Variants in CACNA1A observed in about 807,000 individuals in gnomAD.
CACNA1A encodes the protein calcium voltage-gated channel subunit alpha1 A, also known as voltage-dependent P/Q-type calcium channel subunit alpha-1A.
Under a neutral mutation model 262.4 loss-of-function variants are expected in CACNA1A, and 57 were observed. The ratio of observed to expected loss-of-function variants is 0.22; its 90% confidence interval spans 0.18 to 0.27. CACNA1A has a LOEUF of 0.27. Among genes scored for constraint, CACNA1A ranks in the 10% least tolerant of loss-of-function variants. CACNA1A has a pLI of 1.00. For missense variants in CACNA1A, 2,526 were observed against 3,562.8 expected (o/e 0.71, Z 7.41); for synonymous variants, 1,431 against 1,419.3 (o/e 1.01, Z -0.18).
At chr19:13,376,543 A>T (rs933889765) in intron 3 of CACNA1A, among the ~76,000 whole-genome samples, 11 of 149,622 alleles carry the variant, frequency 7.4e-5, no homozygotes, top group African/African-American at 2.7e-4. Flanking sequence ...AGAAAAAAAT[A>T]TATATATAAT....
In CACNA1A at chr19:13,240,748, T is replaced by TG. The variant is rs1325844805; in HGVS notation, c.4950+4433_4950+4434insC. ...GTGACTGCAGTGACTGCGTGCAGCG[T>TG]CTGTGTGCAGTGACTGTGTGCACAG... is the stretch of plus-strand genomic sequence containing the variant. On this transcript the variant is annotated intron_variant, in intron 31 of 46. Transcript: ENST00000360228. Among the ~76,000 whole-genome samples, 17 of 115,682 alleles carry TG rather than the reference T, an allele frequency of 1.5e-4. No individual in the cohort carries two copies. The Admixed American group carries it at 1.6e-3, about 11-fold the overall frequency. The allele number at this position is 115,682 out of a possible 152,430, so 75.9% of individuals were successfully genotyped here. A position where few individuals can be genotyped will look rare whatever the true frequency, so the allele number is the denominator to read the frequency against.
At chr19:13,242,380 C>CGCCTCCTGAGAATCAAGTGATTCTCTT (rs2056103678) in intron 31 of CACNA1A, among the ~76,000 whole-genome samples, 2 of 152,120 alleles carry the variant, frequency 1.3e-5, no homozygotes, top group Non-Finnish European at 1.5e-5. Context: ...TACAACCTCT[C>CGCCTCCTGAGAATCAAGTGATTCTCTT]GCCTCCTGAG....
At position 13,259,607 on chromosome 19, in the gene CACNA1A, G is replaced by T. The variant is rs1174785840; in HGVS notation, c.4345C>A (p.Leu1449Met). 2 of 1,610,258 alleles carry T rather than the reference G, an allele frequency of 1.2e-6. No individual in the cohort carries two copies. Among genetic ancestry groups the T allele is most frequent in the Admixed American group, 3.4e-5 (2 of 59,558 alleles). ...GTGGACACGGTGAAGAGGGTCAGCA[G>T]AGCCCACAGCACATTGTCGTAATGG... ...EFHYDNVLWA[L>M]LTLFTVSTGE... Residue 1449 changes from leucine to methionine, a missense_variant, in exon 27 of 47, where the codon CTG (leucine) becomes ATG (methionine). Leu to Met is a conservative substitution (Grantham distance 15). This residue lies in a region of CACNA1A where 137 missense variants were observed against 377.7 expected (regional missense o/e 0.36). Transcript: ENST00000360228.
chr19:13,354,650 A>G (rs1257745260), intron 6 of CACNA1A, among the ~76,000 whole-genome samples: 1 of 152,162 alleles, frequency 6.6e-6, no homozygotes, highest in Non-Finnish European at 1.5e-5. Context: ...GGAGTTATAA[A>G]TGGAATTACG....
chr19:13,216,562 A>G (rs891279013), intron 38 of CACNA1A, among the ~76,000 whole-genome samples: 1 of 151,878 alleles, frequency 6.6e-6, no homozygotes, highest in Non-Finnish European at 1.5e-5. Context: ...TCCTGACCTC[A>G]GGTGATCTGC....
intron 1 of CACNA1A, among the ~76,000 whole-genome samples, chr19:13,467,096 T>C (rs1332526353): frequency 2.0e-5 from 3 of 151,980 alleles, no homozygotes; most frequent in Admixed American, 1.3e-4. Flanking sequence ...CCTGTTTCTG[T>C]CTGGGAGAAG....
intron 38 of CACNA1A, among the ~76,000 whole-genome samples, chr19:13,220,522 G>T (rs2055181857): frequency 6.6e-6 from 1 of 152,192 alleles, no homozygotes; most frequent in African/African-American, 2.4e-5. Context: ...GAACCTGGAA[G>T]TAGATTCTCC....
chr19:13,381,859 A>G (rs1231033156), intron 3 of CACNA1A, among the ~76,000 whole-genome samples: 2 of 152,180 alleles, frequency 1.3e-5, no homozygotes, highest in Non-Finnish European at 2.9e-5. Context: ...GAGGTGATGG[A>G]TGGTGCAGGG....
At chr19:13,353,287 T>C (rs1401814659) in intron 6 of CACNA1A, among the ~76,000 whole-genome samples, 2 of 143,644 alleles carry the variant, frequency 1.4e-5, no homozygotes, top group African/African-American at 5.1e-5. Context: ...CCTGGCTGAT[T>C]TTTGTATTTT....
chr19:13,502,641 G>A (rs10417911), intron 1 of CACNA1A, among the ~76,000 whole-genome samples: 11,823 of 152,164 alleles, frequency 0.078, 1,513 homozygotes, highest in African/African-American at 0.27. Context: ...AGAAAAACAC[G>A]GCAATGTAAA....
At chr19:13,276,926 G>T in intron 23 of CACNA1A, 143 bp downstream of exon 23, 1 of 569,834 alleles carries the variant, frequency 1.8e-6, no homozygotes, top group Non-Finnish European at 3.2e-6. Flanking sequence ...TGGCCAGGCT[G>T]GCCTCAACCT....
chr19:13,207,505 C>G lies in CACNA1A; in HGVS notation c.7329G>C (p.Ala2443=), dbSNP rs1337207067. 7.0e-7 allele frequency: 1 copy of G among 1,426,348 alleles called. No homozygotes were observed. The highest frequency in any genetic ancestry group is 1.5e-5 in the African/African-American group (1 of 65,666). 88.4% of individuals were successfully genotyped at this position (1,426,348 alleles called of 1,614,324 possible). Residue 2443 remains alanine (A), a synonymous_variant, in exon 47 of 47, where the codon GCG becomes GCC. Coordinates refer to ENST00000360228, the MANE Select transcript of CACNA1A (RefSeq NM_001127222.2). This position sits in a 1 kb window ranked among gnomAD's most constrained non-coding sequence, Gnocchi z 5.7. ...GCGAGCGCCCGGTGGCGCCCGAGGA[C>G]GCGTGTCGTACGGGGGGTGGCGCGT... ...AYDAPPPVRH[A]SSGATGRSPR...
At chr19:13,486,405 T>TCA (rs1475063891) in intron 1 of CACNA1A, among the ~76,000 whole-genome samples, 2 of 151,736 alleles carry the variant, frequency 1.3e-5, no homozygotes, top group Admixed American at 1.3e-4. Flanking sequence ...TCTCTCTCTC[T>TCA]CTCACACACA....
chr19:13,385,242 T>C (rs1473760785), intron 3 of CACNA1A, among the ~76,000 whole-genome samples: 1 of 150,672 alleles, frequency 6.6e-6, no homozygotes, highest in African/African-American at 2.4e-5. Flanking sequence ...TTTTTTTTTT[T>C]TTTTTGAGAC....
At chr19:13,454,927 C>T (rs1599293737) in intron 2 of CACNA1A, among the ~76,000 whole-genome samples, 180 bp downstream of exon 2, 1 of 152,016 alleles carries the variant, frequency 6.6e-6, no homozygotes, top group Non-Finnish European at 1.5e-5. Context: ...CCACTGCACT[C>T]CAGCCTGGGT....
At position 13,298,678 on chromosome 19, in the gene CACNA1A, C is replaced by A; in HGVS notation, c.2955G>T (p.Pro985=). 6.8e-7 allele frequency: 1 copy of A among 1,472,340 alleles called. No individual in the cohort carries two copies. The highest frequency in any genetic ancestry group is 9.0e-7 in the Non-Finnish European group (1 of 1,115,044). 91.2% of individuals were successfully genotyped at this position (1,472,340 alleles called of 1,614,324 possible). A position where few individuals can be genotyped will look rare whatever the true frequency, so the allele number is the denominator to read the frequency against. ...RRARHREGSR[P]ARGGEGEGEG... ...CGCCCTCGCCCTCGCCGCCCCGGGC[C>A]GGCCGGCTGCCCTCGCGGTGCCGCG... is the stretch of plus-strand genomic sequence containing the variant. The change falls in exon 19 of 47, where the codon CCG becomes CCT. Residue 985 remains proline, a synonymous_variant. Transcript: ENST00000360228.
intron 30 of CACNA1A, among the ~76,000 whole-genome samples, chr19:13,248,820 G>A (rs1224141662): frequency 2.0e-5 from 3 of 149,180 alleles, no homozygotes; most frequent in East Asian, 3.9e-4. Context: ...TCCAGCCTGG[G>A]CAACAGAGTG....
intron 15 of CACNA1A, among the ~76,000 whole-genome samples, chr19:13,306,989 G>A (rs527595868): frequency 7.2e-5 from 11 of 152,050 alleles, no homozygotes; most frequent in African/African-American, 1.4e-4. Flanking sequence ...TTGAGACAGG[G>A]CTTTGCTCTC....
intron 19 of CACNA1A, among the ~76,000 whole-genome samples, chr19:13,298,299 T>C (rs934427232): frequency 2.0e-5 from 3 of 151,294 alleles, no homozygotes; most frequent in African/African-American, 7.3e-5. Flanking sequence ...CCCGGCTAAT[T>C]TTTGTATTTT....
Sources: allele counts gnomAD v4.1 joint callset (sites outside exome capture counted in the v4.1 genomes callset), GRCh38; gene constraint gnomAD v4.1.1; regional missense constraint gnomAD v4.1.1; non-coding constraint Gnocchi (gnomAD v3.1); transcripts MANE v1.5; gene names NCBI Gene and HGNC (gene_info 2026-07-23, HGNC 2026-07-21).